The following TOX variants were observed in gnomAD, a reference collection of about 807,000 sequenced individuals.
The protein encoded by TOX is thymocyte selection-associated high mobility group box protein TOX.
Under a neutral mutation model 53.7 loss-of-function variants are expected in TOX, and 11 were observed. The observed-to-expected ratio is 0.20, with a 90% CI of 0.13 to 0.34. TOX has a LOEUF of 0.34. TOX is among the 10% of genes least tolerant of loss of function. The pLI is 1.00. For synonymous variants in TOX, 225 were observed against 245.3 expected (o/e 0.92, Z 0.77); for missense variants, 570 against 664.6 (o/e 0.86, Z 1.56).
At chr8:59,049,876 G>A (rs1363383227) in intron 1 of TOX, among the ~76,000 whole-genome samples, 1 of 152,180 alleles carries the variant, frequency 6.6e-6, no homozygotes, top group Non-Finnish European at 1.5e-5. Flanking sequence ...TTGGAATGTA[G>A]TCAAAGAAGA....
In TOX at chr8:59,118,010, G is replaced by T. The variant is rs1000464390; in HGVS notation, c.102+876C>A. On this transcript the variant is annotated intron_variant, in intron 1 of 8. Transcript: ENST00000361421. The surrounding 1 kb of genome is among the most constrained non-coding windows in gnomAD (Gnocchi z 4.1). ...ACCCCCTCCCTCGTACCCCCTGACT[G>T]TCCTATAGGTGGACCCAGCCGAACT... 4.6e-5 allele frequency among the ~76,000 whole-genome samples: 7 copies of T among 152,106 alleles called. No homozygotes were observed. The highest frequency in any genetic ancestry group is 3.9e-4 in the Admixed American group (6 of 15,282).
Position 59,117,997 on chromosome 8 carries a change from G to A in TOX, c.102+889C>T, listed in dbSNP as rs1010857723. 6.6e-6 allele frequency among the ~76,000 whole-genome samples: 1 copy of A among 152,040 alleles called. No individual in the cohort carries two copies. The highest frequency in any genetic ancestry group is 2.4e-5 in the African/African-American group (1 of 41,408). ...AGCCGGGAGAGTAACCCCCTCCCTC[G>A]TACCCCCTGACTGTCCTATAGGTGG... On this transcript the variant is annotated intron_variant, in intron 1 of 8. Transcript: ENST00000361421. The surrounding 1 kb of genome is among the most constrained non-coding windows in gnomAD (Gnocchi z 4.6).
At chr8:58,837,555 A>G (rs1029492912) in intron 5 of TOX, among the ~76,000 whole-genome samples, 6 of 152,224 alleles carry the variant, frequency 3.9e-5, no homozygotes, top group Non-Finnish European at 5.9e-5. Context: ...AAAACCAGGC[A>G]TCTGGTCCCA....
intron 3 of TOX, among the ~76,000 whole-genome samples, chr8:58,928,740 T>C (rs977246389): frequency 3.9e-5 from 6 of 152,188 alleles, no homozygotes; most frequent in Non-Finnish European, 8.8e-5. Flanking sequence ...ATAAACTTTA[T>C]GAATCCACTG....
Position 58,939,442 on chromosome 8 carries a change from A to G in TOX, c.271T>C (p.Ser91Pro), listed in dbSNP as rs143452038. The change falls in exon 3 of 9, where the codon TCT (serine) becomes CCT (proline). Residue 91 changes from serine (S) to proline (P), a missense_variant. By Grantham distance (74) the Ser-to-Pro change is moderately conservative (BLOSUM62 -1). Around this residue, in one of 3 missense-constraint regions of TOX, gnomAD observed 282 missense variants for 315.0 expected, o/e 0.90. Transcript: ENST00000361421. ...GGGTGACACAGAGAATGGTAACCAG[A>G]CTCAACTTCATTCAGGTGCACCAGC... The part of the protein sequence containing the change: ...HSLVHLNEVE[S>P]GYHSLCHPMN... 137 of 1,614,130 alleles carry G rather than the reference A, an allele frequency of 8.5e-5. No individual in the cohort carries two copies. The African/African-American group carries it at 1.6e-3, about 19-fold the overall frequency.
intron 3 of TOX, among the ~76,000 whole-genome samples, chr8:58,878,934 A>G (rs1811333949): frequency 6.6e-6 from 1 of 151,652 alleles, no homozygotes; most frequent in Non-Finnish European, 1.5e-5. Context: ...GGTGGCGCAA[A>G]CCTGTAGTCC....
chr8:58,990,765 C>T (rs560478592), intron 1 of TOX, among the ~76,000 whole-genome samples: 1 of 152,296 alleles, frequency 6.6e-6, no homozygotes, highest in South Asian at 2.1e-4. Flanking sequence ...CCTGTGACAA[C>T]AGAATTGGGG....
chr8:58,885,389 A>G (rs1198174776), intron 3 of TOX, among the ~76,000 whole-genome samples: 2 of 152,124 alleles, frequency 1.3e-5, no homozygotes, highest in Non-Finnish European at 2.9e-5. Context: ...AGGTGTGCTC[A>G]CTTCCAAACA....
chr8:58,809,468 G>A (rs1270517996), intron 7 of TOX, among the ~76,000 whole-genome samples: 1 of 152,132 alleles, frequency 6.6e-6, no homozygotes, highest in Non-Finnish European at 1.5e-5. Flanking sequence ...TAGATATTAA[G>A]TTTATTTCCT....
intron 1 of TOX, among the ~76,000 whole-genome samples, chr8:59,019,241 GA>G (rs1409586766): frequency 1.3e-5 from 2 of 152,074 alleles, no homozygotes; most frequent in African/African-American, 4.8e-5. Flanking sequence ...ATAATTGATA[GA>G]CTACAGACTA....
chr8:58,865,864 TCA>T (rs1563373944), intron 3 of TOX, among the ~76,000 whole-genome samples: 5 of 59,974 alleles, frequency 8.3e-5, no homozygotes, highest in Non-Finnish European at 1.4e-4. Context: ...AGACAGAGTC[TCA>T]CTCTGTCGTC....
intron 6 of TOX, among the ~76,000 whole-genome samples, chr8:58,822,429 T>C (rs1309069442): frequency 5.3e-5 from 8 of 152,232 alleles, no homozygotes; most frequent in Non-Finnish European, 1.5e-5. Flanking sequence ...ACCAGCACTG[T>C]GTTTGCAGCA....
chr8:58,819,860 T>A (rs568975501), intron 6 of TOX, among the ~76,000 whole-genome samples: 1 of 152,366 alleles, frequency 6.6e-6, no homozygotes, highest in Admixed American at 6.5e-5. Flanking sequence ...ATTTGATTCT[T>A]GTTTTCAGCA....
At chr8:58,926,840 C>T (rs745638234) in intron 3 of TOX, among the ~76,000 whole-genome samples, 10 of 151,968 alleles carry the variant, frequency 6.6e-5, no homozygotes, top group South Asian at 2.1e-4. Flanking sequence ...ACCTGAGGCG[C>T]TAACGCTGTC....
intron 3 of TOX, among the ~76,000 whole-genome samples, chr8:58,901,361 C>A (rs1811732602): frequency 6.6e-6 from 1 of 152,184 alleles, no homozygotes. Flanking sequence ...CTGTTACAAG[C>A]TCCTTCCAGT....
At chr8:58,986,588 T>C (rs1390067011) in intron 1 of TOX, among the ~76,000 whole-genome samples, 2 of 152,216 alleles carry the variant, frequency 1.3e-5, no homozygotes, top group Non-Finnish European at 2.9e-5. Flanking sequence ...GAAATGTATA[T>C]CCAGGGCCTT....
Position 58,815,562 on chromosome 8 carries a change from G to C in TOX, c.1168C>G (p.Pro390Ala). Residue 390 changes from proline to alanine, a missense_variant, in exon 7 of 9, where the codon CCT becomes GCT. This residue lies in a region of TOX where 239 missense variants were observed against 250.7 expected (regional missense o/e 0.95). Coordinates refer to ENST00000361421, the MANE Select transcript of TOX (RefSeq NM_014729.3). ...GMNPHLTAMH[P>A]SLPRNIAPKP... ...GGGGCTATGTTCCTGGGGAGACTAG[G>C]ATGCATGGCAGTTAGGTGAGGATTC... is the stretch of plus-strand genomic sequence containing the variant. 6.2e-7 allele frequency: 1 copy of C among 1,614,164 alleles called. No homozygotes were observed. The highest frequency in any genetic ancestry group is 1.1e-5 in the South Asian group (1 of 91,068).
chr8:59,006,996 A>T (rs1276254928), intron 1 of TOX, among the ~76,000 whole-genome samples: 1 of 152,206 alleles, frequency 6.6e-6, no homozygotes, highest in Non-Finnish European at 1.5e-5. Context: ...CACTTCGTAC[A>T]CACTTGTTGA....
chr8:58,977,305 T>C (rs1187012725), intron 1 of TOX, among the ~76,000 whole-genome samples: 1 of 152,258 alleles, frequency 6.6e-6, no homozygotes, highest in African/African-American at 2.4e-5. Context: ...ACTTTTCTTT[T>C]GCAGCTTCCT....
Sources: gnomAD v4.1 joint callset for allele counts (sites outside exome capture counted in the v4.1 genomes callset) on GRCh38, gnomAD v4.1.1 for gene constraint, gnomAD v4.1.1 regional missense constraint, Gnocchi (gnomAD v3.1) non-coding constraint, MANE v1.5 for transcripts, NCBI Gene and HGNC (gene_info 2026-07-23, HGNC 2026-07-21) for gene names.